CD58: variants seen among roughly 807,000 people sequenced by gnomAD.
CD58 encodes CD58 molecule, also known as lymphocyte function-associated antigen 3.
CD58 carries 14 observed loss-of-function variants against 27.6 expected under a neutral mutation model. The observed-to-expected ratio is 0.51, with a 90% CI of 0.34 to 0.79. The LOEUF (loss-of-function observed/expected upper bound fraction) is 0.79. CD58 is among the 30% of genes least tolerant of loss of function. CD58 has a pLI of 0.02. For synonymous variants in CD58, 117 were observed against 103.8 expected (o/e 1.13, Z -0.77); for missense variants, 268 against 301.7 (o/e 0.89, Z 0.83).
rs1047591051 is a variant in CD58, at chr1:116,538,852, A to C, written c.365-2624T>G. 1.3e-5 allele frequency among the ~76,000 whole-genome samples: 2 copies of C among 152,240 alleles called. No individual in the cohort carries two copies. The highest frequency in any genetic ancestry group is 2.9e-5 in the Non-Finnish European group (2 of 68,036). ...AGGACAGATGGGGAGACAGATGGAT[A>C]GAAGGATAGATTCAGAGAGACAGTC... On this transcript the variant is annotated intron_variant, in intron 2 of 5. Transcript: ENST00000369489. The surrounding 1 kb of genome is among the most constrained non-coding windows in gnomAD (Gnocchi z 4.7).
chr1:116,536,748 G>C lies in CD58; in HGVS notation c.365-520C>G, dbSNP rs1352819425. The stretch of plus-strand genomic sequence containing the variant: ...TTTCTTTATAAATTACCCAGTTTCA[G>C]GTAGTTCTTTATAGCAGTGTGAAAA... On this transcript the variant is annotated intron_variant, in intron 2 of 5. Coordinates refer to ENST00000369489, the MANE Select transcript of CD58 (RefSeq NM_001779.3). The surrounding 1 kb of genome is among the most constrained non-coding windows in gnomAD (Gnocchi z 5.4). Among the ~76,000 whole-genome samples, 2 of 152,134 alleles carry C rather than the reference G, an allele frequency of 1.3e-5. No homozygotes were observed. Among genetic ancestry groups the C allele is most frequent in the African/African-American group, 2.4e-5 (1 of 41,418 alleles).
Position 116,536,355 on chromosome 1 carries a change from T to C in CD58, c.365-127A>G, listed in dbSNP as rs768739106. 1.9e-5 allele frequency: 12 copies of C among 642,292 alleles called. No individual in the cohort carries two copies. The highest frequency in any genetic ancestry group is 2.9e-5 in the Non-Finnish European group (11 of 382,498). The allele number at this position is 642,292 out of a possible 1,614,324, so 39.8% of individuals were successfully genotyped here. ...GATGAGCAGACAAACTCCTTGAGCA[T>C]CAAGGAGCGAGAATTCTTTCTTTTG... On this transcript the variant is annotated intron_variant, in intron 2 of 5. Transcript: ENST00000369489. This position sits in a 1 kb window ranked among gnomAD's most constrained non-coding sequence, Gnocchi z 5.4.
Position 116,527,528 on chromosome 1 carries a change from C to T in CD58, c.629-5545G>A, listed in dbSNP as rs957741122. ...TGCCTTGCACACCTGAGATAAATAC[C>T]ACTTAGTCATGATGTATAATTCTTT... On this transcript the variant is annotated intron_variant, in intron 3 of 5. Transcript: ENST00000369489. This position sits in a 1 kb window ranked among gnomAD's most constrained non-coding sequence, Gnocchi z 4.4. Among the ~76,000 whole-genome samples, 5 of 152,064 alleles carry T rather than the reference C, an allele frequency of 3.3e-5. No individual in the cohort carries two copies. The highest frequency in any genetic ancestry group is 1.2e-4 in the African/African-American group (5 of 41,412).
rs1351367491 is a variant in CD58 at position 116,523,523 on chromosome 1, G to C, written c.629-1540C>G. Among the ~76,000 whole-genome samples, 4 of 152,122 alleles carry C rather than the reference G, an allele frequency of 2.6e-5. No individual in the cohort carries two copies. Among genetic ancestry groups the C allele is most frequent in the African/African-American group, 4.8e-5 (2 of 41,416 alleles). ...ATTGGTCAGATTTGAGAAGACCCTG[G>C]CCAGAAACTGCTAGGTGCCCCCGAA... On this transcript the variant is annotated intron_variant, in intron 3 of 5. Transcript: ENST00000369489. The surrounding 1 kb of genome is among the most constrained non-coding windows in gnomAD (Gnocchi z 4.4).
At chr1:116,567,794 G>T (rs1263293318) in intron 1 of CD58, among the ~76,000 whole-genome samples, 1 of 152,030 alleles carries the variant, frequency 6.6e-6, no homozygotes, top group Non-Finnish European at 1.5e-5. Context: ...AGGTAAAATG[G>T]TGCCTCTACA....
intron 5 of CD58, 143 bp from the exon 6 acceptor site, chr1:116,514,965 A>G (rs1657028868): frequency 1.7e-6 from 1 of 586,448 alleles, no homozygotes; most frequent in Admixed American, 3.5e-5. Context: ...GGGAGCAGGG[A>G]TGGAGGAAGA....
intron 1 of CD58, among the ~76,000 whole-genome samples, chr1:116,560,960 G>C (rs1286540758): frequency 6.6e-6 from 1 of 152,164 alleles, no homozygotes. Context: ...GTGTCCTTAA[G>C]TAAAACCTTC....
rs1173425870 is a variant in CD58 at position 116,551,701 on chromosome 1, T to G, written c.71-7097A>C. Among the ~76,000 whole-genome samples the G allele has an allele frequency of 2.0e-5, 3 of 152,192 alleles. No homozygotes were observed. The East Asian group carries it at 5.8e-4, about 29-fold the overall frequency. On this transcript the variant is annotated intron_variant, in intron 1 of 5. Transcript: ENST00000369489. ...TAACTCTTTGGCATAAAAGGCCTAG[T>G]TTTCAGCCCATCGTGGCTTTTTTTT...
intron 3 of CD58, chr1:116,533,586 T>C: frequency 1.4e-6 from 1 of 710,112 alleles, no homozygotes; most frequent in Non-Finnish European, 2.7e-6. Context: ...TATCTACATT[T>C]CTAAAGATGG....
rs930848921 is a variant in CD58, at chr1:116,523,879, G to A, written c.629-1896C>T. ...TCTTTATCGTTTTTCAAAATAATGAGTTAGCTCCCAAGCATTCTCTAGAGA... is the reference window on the plus strand; with the variant it reads ...TCTTTATCGTTTTTCAAAATAATGAATTAGCTCCCAAGCATTCTCTAGAGA... On this transcript the variant is annotated intron_variant, in intron 3 of 5. Transcript: ENST00000369489. The surrounding 1 kb of genome is among the most constrained non-coding windows in gnomAD (Gnocchi z 4.4). 3.9e-5 allele frequency among the ~76,000 whole-genome samples: 6 copies of A among 152,188 alleles called. No individual in the cohort carries two copies. The highest frequency in any genetic ancestry group is 8.8e-5 in the Non-Finnish European group (6 of 68,034).
At position 116,524,979 on chromosome 1, in the gene CD58, G is replaced by A. The variant is rs573327430; in HGVS notation, c.629-2996C>T. Among the ~76,000 whole-genome samples the A allele has an allele frequency of 6.6e-6, 1 of 152,232 alleles. No individual in the cohort carries two copies. Among genetic ancestry groups the A allele is most frequent in the East Asian group, 1.9e-4 (1 of 5,178 alleles). On this transcript the variant is annotated intron_variant, in intron 3 of 5. Coordinates refer to ENST00000369489, the MANE Select transcript of CD58 (RefSeq NM_001779.3). This position sits in a 1 kb window ranked among gnomAD's most constrained non-coding sequence, Gnocchi z 4.6. Reference sequence around the variant, plus strand: ...TACAGAAAGTTTGTACATACATCCTGCCCCTACACATGCATAGCCTCCCCA... The same window carrying A: ...TACAGAAAGTTTGTACATACATCCTACCCCTACACATGCATAGCCTCCCCA...
In CD58 at chr1:116,552,764, T is replaced by A. The variant is rs1658433133; in HGVS notation, c.71-8160A>T. 6.6e-6 allele frequency among the ~76,000 whole-genome samples: 1 copy of A among 152,244 alleles called. No individual in the cohort carries two copies. The highest frequency in any genetic ancestry group is 6.5e-5 in the Admixed American group (1 of 15,288). ...AACACTCCTTTTGTGGCTAGCTTTG[T>A]CTATTGCAGTTACACCGCAATAACT... On this transcript the variant is annotated intron_variant, in intron 1 of 5. Transcript: ENST00000369489. This position sits in a 1 kb window ranked among gnomAD's most constrained non-coding sequence, Gnocchi z 4.5.
chr1:116,542,675 G>A (rs867297310), intron 2 of CD58, among the ~76,000 whole-genome samples: 19 of 152,196 alleles, frequency 1.2e-4, no homozygotes, highest in African/African-American at 4.3e-4. Flanking sequence ...CTCATCAGGA[G>A]AGAGTGGGTA....
intron 3 of CD58, among the ~76,000 whole-genome samples, chr1:116,529,061 C>A (rs1409346711): frequency 6.6e-6 from 1 of 152,184 alleles, no homozygotes; most frequent in East Asian, 1.9e-4. Flanking sequence ...ATTTCCTCAG[C>A]CCTTGTAAAG....
intron 2 of CD58, among the ~76,000 whole-genome samples, chr1:116,537,980 A>G (rs1657872654): frequency 6.6e-6 from 1 of 152,218 alleles, no homozygotes; most frequent in Admixed American, 6.5e-5. Context: ...CTTATGCTCC[A>G]ATTATAATCT....
chr1:116,529,857 T>C (rs1657540295), intron 3 of CD58, among the ~76,000 whole-genome samples: 1 of 152,214 alleles, frequency 6.6e-6, no homozygotes, highest in African/African-American at 2.4e-5. Context: ...GCCCCATTTC[T>C]GGGTTGCAGT....
chr1:116,570,775 G>A lies in CD58; in HGVS notation c.70+128C>T. The A allele has an allele frequency of 1.5e-6, 1 of 649,516 alleles. No individual in the cohort carries two copies. Among genetic ancestry groups the A allele is most frequent in the Non-Finnish European group, 2.6e-6 (1 of 390,618 alleles). The allele number at this position is 649,516 out of a possible 1,614,324, so 40.2% of individuals were successfully genotyped here. A position where few individuals can be genotyped will look rare whatever the true frequency, so the allele number is the denominator to read the frequency against. On this transcript the variant is annotated intron_variant, in intron 1 of 5. Transcript: ENST00000369489. This position sits in a 1 kb window ranked among gnomAD's most constrained non-coding sequence, Gnocchi z 6.4. ...AGGCTCCCACGGCTGAGTTGTTCCC[G>A]GCCCACAGCGACCCGTCCCCACCCG...
intron 1 of CD58, among the ~76,000 whole-genome samples, chr1:116,544,960 G>A (rs1166346561): frequency 4.6e-5 from 7 of 152,208 alleles, no homozygotes; most frequent in Admixed American, 1.3e-4. Context: ...CCCCAAGGAA[G>A]TCATGCTGGA....
intron 1 of CD58, among the ~76,000 whole-genome samples, chr1:116,547,092 G>T (rs1179432525): frequency 3.4e-5 from 5 of 145,306 alleles, no homozygotes; most frequent in Non-Finnish European, 6.0e-5. Context: ...TAGTTATTTG[G>T]GTGTGATTTC....
Sources: allele counts gnomAD v4.1 joint callset (sites outside exome capture counted in the v4.1 genomes callset), GRCh38; gene constraint gnomAD v4.1.1; non-coding constraint Gnocchi (gnomAD v3.1); transcripts MANE v1.5; gene names NCBI Gene and HGNC (gene_info 2026-07-23, HGNC 2026-07-21).